The following FREM2 variants were observed in gnomAD, a reference collection of about 807,000 sequenced individuals.
The protein encoded by FREM2 is FRAS1-related extracellular matrix protein 2.
A neutral mutation model predicts 219.9 loss-of-function variants in FREM2; 119 were observed. The ratio of observed to expected loss-of-function variants is 0.54; its 90% CI spans 0.47 to 0.63. The LOEUF is 0.63. Ranked by LOEUF, FREM2 falls within the 30% of genes least tolerant of loss-of-function variation. The probability of loss-of-function intolerance (pLI) is 0.00; values close to 1 mark genes in which losing one functional copy is unlikely to be tolerated. For synonymous variants in FREM2, 1,562 were observed against 1,522.8 expected (o/e 1.03, Z -0.60); for missense variants, 4,030 against 3,993.6 (o/e 1.01, Z -0.25).
chr13:38,880,410 T>A lies in FREM2; in HGVS notation c.9133T>A (p.Ser3045Thr). The A allele has an allele frequency of 1.2e-6, 2 of 1,613,696 alleles. No homozygotes were observed. Among genetic ancestry groups the A allele is most frequent in the Non-Finnish European group, 1.7e-6 (2 of 1,179,922 alleles). The part of the protein sequence containing the change: ...HSLVSQGKPQ[S>T]TTKSRKKREI... ...TCTGGTGAGTCAAGGAAAGCCCCAA[T>A]CCACCACCAAGAGCCGGAAGAAGAG... Residue 3045 changes from serine to threonine, a missense_variant, in exon 24 of 24, where the codon TCC (serine) becomes ACC (threonine). Physicochemically the swap from Ser to Thr is moderately conservative, Grantham distance 58 (BLOSUM62 1). This residue lies in a region of FREM2 where 928 missense variants were observed against 1,042.9 expected (regional missense o/e 0.89). Transcript: ENST00000280481.
At chr13:38,851,456 G>A (rs1877367885) in intron 10 of FREM2, among the ~76,000 whole-genome samples, 1 of 152,148 alleles carries the variant, frequency 6.6e-6, no homozygotes, top group Non-Finnish European at 1.5e-5. Context: ...CACATATAGA[G>A]AGCTGGCAGC....
At chr13:38,752,427 C>G (rs564177710) in intron 2 of FREM2, among the ~76,000 whole-genome samples, 61 of 152,286 alleles carry the variant, frequency 4.0e-4, no homozygotes, top group African/African-American at 1.4e-3. Context: ...ATAAATTAAA[C>G]TAAAATTATC....
intron 6 of FREM2, among the ~76,000 whole-genome samples, chr13:38,791,443 G>C (rs1874557438): frequency 1.3e-5 from 2 of 152,176 alleles, no homozygotes; most frequent in Non-Finnish European, 2.9e-5. Context: ...GTATTAGTCA[G>C]TTCTCACGCT....
At chr13:38,880,192 A>G in intron 23 of FREM2, 92 bp from the exon 24 acceptor site, 1 of 1,285,188 alleles carries the variant, frequency 7.8e-7, no homozygotes, top group South Asian at 1.2e-5. Context: ...TCATTTATTA[A>G]TATCTCTGCC....
At chr13:38,711,815 G>T (rs1470629) in intron 2 of FREM2, among the ~76,000 whole-genome samples, 149,828 of 152,228 alleles carry the variant, frequency 0.98, 73,796 homozygotes, top group East Asian at 1. Flanking sequence ...TAAAAATGTG[G>T]TCAACACTTT....
In FREM2 at chr13:38,876,082, G is replaced by A. The variant is rs756570666; in HGVS notation, c.8342G>A (p.Arg2781His). The A allele has an allele frequency of 4.3e-5, 69 of 1,613,896 alleles. No homozygotes were observed. In the Admixed American group the frequency reaches 4.8e-4, roughly 11 times the overall value. ...CATCCAGGCCTGACATTTTCCCTCC[G>A]CCTCATAAGGAGTGAACCAACCTAT... ...ADHPGLTFSL[R>H]LIRSEPTYNQ... The change falls in exon 19 of 24, where the codon CGC becomes CAC. Residue 2781 changes from arginine (R) to histidine (H), a missense_variant. Arg to His is a conservative substitution (Grantham distance 29). Coordinates refer to ENST00000280481, the MANE Select transcript of FREM2 (RefSeq NM_207361.6).
At chr13:38,801,512 A>G (rs941685920) in intron 6 of FREM2, among the ~76,000 whole-genome samples, 2 of 152,124 alleles carry the variant, frequency 1.3e-5, no homozygotes, top group Non-Finnish European at 2.9e-5. Context: ...TTGACGATCT[A>G]TATATGGTTT....
chr13:38,689,822 C>T lies in FREM2; in HGVS notation c.2478C>T (p.Asp826=). 1 of 1,614,086 alleles carries T rather than the reference C, an allele frequency of 6.2e-7. No homozygotes were observed. The highest frequency in any genetic ancestry group is 8.5e-7 in the Non-Finnish European group (1 of 1,179,994). Residue 826 remains aspartate, a synonymous_variant, in exon 1 of 24, where the codon GAC becomes GAT. Transcript: ENST00000280481. ...TTACCCTTTACTTGCATCCCGTGGA[C>T]AACCAGCCACCTGAGATCCTCAACA... The part of the protein sequence containing the change: ...GTFTLYLHPV[D]NQPPEILNTG...
At chr13:38,843,558 C>T (rs889611437) in intron 6 of FREM2, among the ~76,000 whole-genome samples, 1 of 152,086 alleles carries the variant, frequency 6.6e-6, no homozygotes, top group African/African-American at 2.4e-5. Context: ...AAAGGCATGA[C>T]AGTCACATCT....
rs540345583 is a variant in FREM2, at chr13:38,824,196, C to G, written c.6020-22377C>G. Among the ~76,000 whole-genome samples the G allele has an allele frequency of 8.5e-4, 130 of 152,116 alleles. 1 individual carries two copies. In the South Asian group the frequency reaches 0.014, roughly 17 times the overall value. ...AGAAGAAAGAGTGAGGAGAAAGAGACAGTTTTGTCACATAAAGTAGTAAAA... is the reference window on the plus strand; with the variant it reads ...AGAAGAAAGAGTGAGGAGAAAGAGAGAGTTTTGTCACATAAAGTAGTAAAA... On this transcript the variant is annotated intron_variant, in intron 6 of 23. Coordinates refer to ENST00000280481, the MANE Select transcript of FREM2 (RefSeq NM_207361.6).
At chr13:38,863,223 C>T (rs2187523) in intron 15 of FREM2, among the ~76,000 whole-genome samples, 47,109 of 151,818 alleles carry the variant, frequency 0.31, 8,874 homozygotes, top group African/African-American at 0.53. Flanking sequence ...CTAATTTTTG[C>T]ATTTTTAGTA....
At chr13:38,781,894 A>G (rs1212741186) in intron 4 of FREM2, among the ~76,000 whole-genome samples, 1 of 152,146 alleles carries the variant, frequency 6.6e-6, no homozygotes, top group Non-Finnish European at 1.5e-5. Flanking sequence ...GGCCTTCCAC[A>G]GGCACTCTAA....
chr13:38,692,965 A>G (rs181778847), intron 1 of FREM2, among the ~76,000 whole-genome samples: 1 of 152,348 alleles, frequency 6.6e-6, no homozygotes, highest in Admixed American at 6.5e-5. Flanking sequence ...AAAGCCTTCA[A>G]ACTTAGGTTA....
Position 38,837,775 on chromosome 13 carries a change from G to GTTTTTTTTTTTTT in FREM2, c.6020-8794_6020-8793insTTTTTTTTTTTTT, listed in dbSNP as rs1555270912. Among the ~76,000 whole-genome samples, 30 of 128,864 alleles carry GTTTTTTTTTTTTT rather than the reference G, an allele frequency of 2.3e-4. 1 individual carries two copies. The highest frequency in any genetic ancestry group is 4.1e-4 in the African/African-American group (14 of 34,206). 84.5% of individuals were successfully genotyped at this position (128,864 alleles called of 152,430 possible). ...GGATTGCAACCCCTGGTTTTTTTTT[G>GTTTTTTTTTTTTT]TTTTGTTTTGTTTTGTTTTTGCTTT... On this transcript the variant is annotated intron_variant, in intron 6 of 23. Transcript: ENST00000280481.
intron 2 of FREM2, among the ~76,000 whole-genome samples, chr13:38,723,629 T>C (rs1871388008): frequency 6.6e-6 from 1 of 152,204 alleles, no homozygotes; most frequent in South Asian, 2.1e-4. Context: ...TTGAGTTCTT[T>C]CTATATCTAT....
At chr13:38,763,613 C>T (rs1873322948) in intron 2 of FREM2, among the ~76,000 whole-genome samples, 1 of 151,866 alleles carries the variant, frequency 6.6e-6, no homozygotes, top group Non-Finnish European at 1.5e-5. Context: ...AACCATTTTT[C>T]CTTTCATTTA....
At chr13:38,796,444 A>C (rs9603426) in intron 6 of FREM2, among the ~76,000 whole-genome samples, 1 of 152,138 alleles carries the variant, frequency 6.6e-6, no homozygotes, top group Non-Finnish European at 1.5e-5. Flanking sequence ...ATATTCCACC[A>C]TGACTCAGAT....
chr13:38,690,078 G>C lies in FREM2; in HGVS notation c.2734G>C (p.Asp912His). The C allele has an allele frequency of 6.2e-7, 1 of 1,614,048 alleles. No individual in the cohort carries two copies. ...YAHNGDKSLT[D>H]SCSLEVSDRH... The stretch of plus-strand genomic sequence containing the variant: ...CCATAATGGGGACAAGTCCCTGACT[G>C]ATAGCTGCTCCTTGGAAGTCAGTGA... The change falls in exon 1 of 24, where the codon GAT becomes CAT. Residue 912 changes from aspartate (D) to histidine (H), a missense_variant. Physicochemically the swap from Asp to His is moderately conservative, Grantham distance 81. Around this residue, in one of 2 missense-constraint regions of FREM2, gnomAD observed 3,102 missense variants for 2,950.7 expected, o/e 1.05. Transcript: ENST00000280481.
At chr13:38,804,453 T>C (rs1875143027) in intron 6 of FREM2, among the ~76,000 whole-genome samples, 2 of 152,076 alleles carry the variant, frequency 1.3e-5, no homozygotes, top group Non-Finnish European at 2.9e-5. Context: ...TACATGCATG[T>C]AGCAAATCTT....
Sources: allele counts gnomAD v4.1 joint callset (sites outside exome capture counted in the v4.1 genomes callset), GRCh38; gene constraint gnomAD v4.1.1; regional missense constraint gnomAD v4.1.1; transcripts MANE v1.5; gene names NCBI Gene and HGNC (gene_info 2026-07-23, HGNC 2026-07-21).